Variants in ZNF473 observed in about 807,000 individuals in gnomAD.
The protein encoded by ZNF473 is zinc finger protein 100 homolog.
A neutral mutation model predicts 11.1 loss-of-function variants in ZNF473; 4 were observed. That is an observed-to-expected ratio of 0.36 (90% CI 0.18 to 0.82). ZNF473 has a LOEUF of 0.82. ZNF473 is among the 40% of genes least tolerant of loss of function. ZNF473 has a pLI of 0.49. For synonymous variants in ZNF473, 404 were observed against 390.4 expected, an observed-to-expected ratio of 1.03 and a Z score of -0.41; for missense variants, 854 against 1,084.0, an observed-to-expected ratio of 0.79 and a Z score of 2.98.
chr19:50,027,082 C>G (rs2077287711), intron 1 of ZNF473, among the ~76,000 whole-genome samples: 1 of 152,108 alleles, frequency 6.6e-6, no homozygotes, highest in Admixed American at 6.5e-5. Context: ...AAGTGCAGGT[C>G]CCCTTGGCAC....
chr19:50,047,164 A>G lies in ZNF473; in HGVS notation c.*105A>G, dbSNP rs1445799618. The G allele has an allele frequency of 3.0e-5, 29 of 965,398 alleles. No individual in the cohort carries two copies. 59.8% of individuals were successfully genotyped at this position (965,398 alleles called of 1,614,324 possible). A position where few individuals can be genotyped will look rare whatever the true frequency, so the allele number is the denominator to read the frequency against. On this transcript the variant is annotated 3_prime_UTR_variant, in exon 5 of 5. Transcript: ENST00000270617. The stretch of plus-strand genomic sequence containing the variant: ...TCTCTCCAAATAAATGCATCTAAAG[A>G]TTGATTAGAAAGTTTGTGCGCATGT...
In ZNF473 at chr19:50,039,240, C is replaced by T. The variant is rs371124736; in HGVS notation, c.89C>T (p.Thr30Met). 22 of 1,614,012 alleles carry T rather than the reference C, an allele frequency of 1.4e-5. No individual in the cohort carries two copies. Among genetic ancestry groups the T allele is most frequent in the Middle Eastern group, 1.6e-4 (1 of 6,084 alleles). Residue 30 changes from threonine to methionine, a missense_variant, in exon 3 of 5, where the codon ACG becomes ATG. Physicochemically the swap from Thr to Met is moderately conservative, Grantham distance 81. Transcript: ENST00000270617. This position sits in a 1 kb window ranked among gnomAD's most constrained non-coding sequence, Gnocchi z 4.8. The part of the protein sequence containing the change: ...WEQLGLEQGD[T>M]FWDTALDNCQ... ...CAGCTCGGGCTGGAACAGGGGGACA[C>T]GTTCTGGGACACAGCGTTGGACAAT...
At chr19:50,037,819 G>A (rs1009558677) in intron 2 of ZNF473, among the ~76,000 whole-genome samples, 3 of 149,158 alleles carry the variant, frequency 2.0e-5, no homozygotes, top group South Asian at 2.1e-4. Context: ...TCTCTCTCTC[G>A]CTCGCTCTCT....
chr19:50,036,389 C>A (rs245112), intron 2 of ZNF473, among the ~76,000 whole-genome samples: 9,613 of 142,860 alleles, frequency 0.067, 374 homozygotes, highest in South Asian at 0.098. Context: ...TCCTGGCTCA[C>A]TGCAAGCTCT....
intron 2 of ZNF473, among the ~76,000 whole-genome samples, chr19:50,031,790 T>TTGAA (rs1354637596): frequency 6.6e-6 from 1 of 152,112 alleles, no homozygotes; most frequent in East Asian, 1.9e-4. Context: ...GAGGTGTTAG[T>TTGAA]TGAATGAATG....
chr19:50,046,186 G>A lies in ZNF473; in HGVS notation c.1743G>A (p.Glu581=), dbSNP rs376274665. The A allele has an allele frequency of 2.1e-4, 344 of 1,614,194 alleles. 1 individual carries two copies. The highest frequency in any genetic ancestry group is 1.6e-3 in the Middle Eastern group (10 of 6,062). The change falls in exon 5 of 5, where the codon GAG becomes GAA. Residue 581 remains glutamate (E), a synonymous_variant. Transcript: ENST00000270617. This position sits in a 1 kb window ranked among gnomAD's most constrained non-coding sequence, Gnocchi z 5.9. ...GCAGCAAATACCTAACTCAGCACGA[G>A]AGGATTCACACCAGGGGAGTGAAGC... ...FSCSKYLTQH[E]RIHTRGVKPF...
chr19:50,031,154 T>A, intron 2 of ZNF473, 63 bp downstream of exon 2: 1 of 1,551,430 alleles, frequency 6.4e-7, no homozygotes. Flanking sequence ...TGGCCTTCCT[T>A]TGTGGCCGAG....
chr19:50,044,298 G>T (rs61062719), intron 4 of ZNF473, among the ~76,000 whole-genome samples: 1 of 152,172 alleles, frequency 6.6e-6, no homozygotes, highest in East Asian at 1.9e-4. Flanking sequence ...ATGGATGGTG[G>T]TGTGGGGAGA....
intron 4 of ZNF473, chr19:50,042,458 C>T (rs918689587): frequency 6.6e-6 from 1 of 152,306 alleles, no homozygotes; most frequent in Admixed American, 6.5e-5. Context: ...CTGCAGCTCC[C>T]TTCTTGGCTC....
At chr19:50,035,097 G>GC (rs759058416) in intron 2 of ZNF473, among the ~76,000 whole-genome samples, 1 of 152,110 alleles carries the variant, frequency 6.6e-6, no homozygotes, top group Non-Finnish European at 1.5e-5. Flanking sequence ...TTCAAGATCA[G>GC]CCTGGGCAAC....
chr19:50,026,495 G>A (rs1243671024), intron 1 of ZNF473, among the ~76,000 whole-genome samples: 1 of 151,162 alleles, frequency 6.6e-6, no homozygotes, highest in East Asian at 1.9e-4. Context: ...AGGTTGCAGT[G>A]AGCCGAGATC....
rs1376266668 is a variant in ZNF473 at position 50,046,138 on chromosome 19, C to A, written c.1695C>A (p.Asn565Lys). The change falls in exon 5 of 5, where the codon AAC becomes AAA. Residue 565 changes from asparagine (N) to lysine (K), a missense_variant. By Grantham distance (94) the Asn-to-Lys change is moderately conservative. This residue lies in a region of ZNF473 where 668 missense variants were observed against 790.2 expected (regional missense o/e 0.85). Coordinates refer to ENST00000270617, the MANE Select transcript of ZNF473 (RefSeq NM_015428.4). This position sits in a 1 kb window ranked among gnomAD's most constrained non-coding sequence, Gnocchi z 5.9. ...AGAAAGAGAAGTGCTTTAAGTGTAA[C>A]AAATGTGAGAAAACCTTTAGCTGCA... is the stretch of plus-strand genomic sequence containing the variant. ...PEQKEKCFKC[N>K]KCEKTFSCSK... 1 of 1,614,164 alleles carries A rather than the reference C, an allele frequency of 6.2e-7. No homozygotes were observed. The highest frequency in any genetic ancestry group is 1.7e-5 in the Admixed American group (1 of 60,024).
intron 2 of ZNF473, among the ~76,000 whole-genome samples, chr19:50,034,887 G>A (rs2077336972): frequency 6.6e-6 from 1 of 152,132 alleles, no homozygotes; most frequent in Non-Finnish European, 1.5e-5. Context: ...TGTGCCCCCT[G>A]TTTGTGGTCC....
At chr19:50,035,930 C>T (rs1182838467) in intron 2 of ZNF473, among the ~76,000 whole-genome samples, 2 of 152,094 alleles carry the variant, frequency 1.3e-5, no homozygotes, top group Non-Finnish European at 2.9e-5. Context: ...CACCTACTCA[C>T]CGTGTGCTGT....
In ZNF473 at chr19:50,047,268, C is replaced by T; in HGVS notation, c.*209C>T. ...TTCAGAGGTAGGCTCTGGAGCCAGT[C>T]TACCTTGAGTTAAATCCCACCTCTG... is the stretch of plus-strand genomic sequence containing the variant. On this transcript the variant is annotated 3_prime_UTR_variant, in exon 5 of 5. Transcript: ENST00000270617. 1 of 547,830 alleles carries T rather than the reference C, an allele frequency of 1.8e-6. No individual in the cohort carries two copies. Among genetic ancestry groups the T allele is most frequent in the South Asian group, 2.3e-5 (1 of 43,622 alleles). 33.9% of individuals were successfully genotyped at this position (547,830 alleles called of 1,614,324 possible). A position where few individuals can be genotyped will look rare whatever the true frequency, so the allele number is the denominator to read the frequency against.
intron 2 of ZNF473, among the ~76,000 whole-genome samples, chr19:50,033,191 A>G (rs1182060940): frequency 6.6e-6 from 1 of 152,108 alleles, no homozygotes; most frequent in African/African-American, 2.4e-5. Context: ...CCCAGGGTAG[A>G]TTTGCTGTTT....
intron 2 of ZNF473, among the ~76,000 whole-genome samples, chr19:50,033,814 T>C (rs532683975): frequency 1.3e-5 from 2 of 152,314 alleles, no homozygotes; most frequent in Admixed American, 1.3e-4. Context: ...GCTTCTGTCA[T>C]GGCATCACCT....
chr19:50,045,288 A>T lies in ZNF473; in HGVS notation c.845A>T (p.His282Leu). The T allele has an allele frequency of 6.2e-7, 1 of 1,614,234 alleles. No individual in the cohort carries two copies. The highest frequency in any genetic ancestry group is 8.5e-7 in the Non-Finnish European group (1 of 1,180,046). Reference protein sequence around the residue: ...TTFSQSTYLWHQKTHTGEKPC... With the variant: ...TTFSQSTYLWLQKTHTGEKPC... ...TTTAGTCAGAGTACATACCTGTGGC[A>T]TCAGAAAACTCACACTGGAGAAAAA... The change falls in exon 5 of 5, where the codon CAT becomes CTT. Residue 282 changes from histidine (H) to leucine (L), a missense_variant. Transcript: ENST00000270617.
In ZNF473 at chr19:50,047,792, C is replaced by G. The variant is rs893070189; in HGVS notation, c.*733C>G. 1 of 152,268 alleles carries G rather than the reference C, an allele frequency of 6.6e-6. No individual in the cohort carries two copies. The highest frequency in any genetic ancestry group is 1.5e-5 in the Non-Finnish European group (1 of 68,050). The allele number at this position is 152,268 out of a possible 1,614,324, so 9.4% of individuals were successfully genotyped here. ...ATCCCACAAACACATGCTCCCTCTT[C>G]CTATGACCTTCCTCCATTTAACAGT... On this transcript the variant is annotated 3_prime_UTR_variant, in exon 5 of 5. Transcript: ENST00000270617.
Sources: allele counts gnomAD v4.1 joint callset (sites outside exome capture counted in the v4.1 genomes callset), GRCh38; gene constraint gnomAD v4.1.1; regional missense constraint gnomAD v4.1.1; non-coding constraint Gnocchi (gnomAD v3.1); transcripts MANE v1.5; gene names NCBI Gene and HGNC (gene_info 2026-07-23, HGNC 2026-07-21).